ZFHX3: variants seen among roughly 807,000 people sequenced by gnomAD.
The protein encoded by ZFHX3 is zinc finger homeobox 3.
In ZFHX3, 42 loss-of-function variants were observed where a neutral mutation model predicts 279.1. That is an observed-to-expected ratio of 0.15 (90% CI 0.12 to 0.19). ZFHX3 has a LOEUF of 0.19. Among genes scored for constraint, ZFHX3 ranks in the 10% least tolerant of loss-of-function variants. ZFHX3 has a pLI of 1.00. For synonymous variants in ZFHX3, 2,293 were observed against 1,957.8 expected (o/e 1.17, Z -4.52); for missense variants, 4,981 against 4,754.0 (o/e 1.05, Z -1.40).
At chr16:72,876,008 C>G (rs779907167) in intron 4 of ZFHX3, among the ~76,000 whole-genome samples, 1 of 152,176 alleles carries the variant, frequency 6.6e-6, no homozygotes, top group Admixed American at 6.5e-5. Flanking sequence ...AAAGGGAAAA[C>G]GAGCCTAAAA....
At chr16:73,595,720 C>T (rs1401032589) in intron 2 of ZFHX3, among the ~76,000 whole-genome samples, 1 of 152,126 alleles carries the variant, frequency 6.6e-6, no homozygotes, top group Non-Finnish European at 1.5e-5. Context: ...CTCCCAAGAG[C>T]CACAAAGTCA....
chr16:73,032,070 G>A (rs769762501), intron 1 of ZFHX3, among the ~76,000 whole-genome samples: 3 of 152,224 alleles, frequency 2.0e-5, no homozygotes, highest in Non-Finnish European at 2.9e-5. Context: ...GCTGGGCGCA[G>A]TGGCTCACGC....
chr16:73,215,602 G>A (rs1369982524), intron 5 of ZFHX3, among the ~76,000 whole-genome samples: 2 of 152,136 alleles, frequency 1.3e-5, no homozygotes, highest in African/African-American at 4.8e-5. Flanking sequence ...TCAATGGATT[G>A]TTTCCTTCTG....
chr16:73,127,546 T>C, intron 7 of ZFHX3: 2 of 1,305,502 alleles, frequency 1.5e-6, no homozygotes, highest in South Asian at 2.5e-5. Flanking sequence ...TGGGAGGCTT[T>C]GGGCTCAGCC....
At chr16:73,160,747 C>T (rs991261022) in intron 5 of ZFHX3, among the ~76,000 whole-genome samples, 2 of 150,318 alleles carry the variant, frequency 1.3e-5, no homozygotes, top group Middle Eastern at 3.3e-3. Context: ...GCATGCTTAT[C>T]ATGCTTATTC....
At chr16:73,537,888 G>C (rs926365082) in intron 2 of ZFHX3, among the ~76,000 whole-genome samples, 1 of 152,206 alleles carries the variant, frequency 6.6e-6, no homozygotes, top group Non-Finnish European at 1.5e-5. Flanking sequence ...CCACAAAGTA[G>C]TATCTTGGAA....
intron 4 of ZFHX3, among the ~76,000 whole-genome samples, chr16:73,302,767 T>C (rs1446089943): frequency 6.6e-6 from 1 of 152,170 alleles, no homozygotes; most frequent in Non-Finnish European, 1.5e-5. Flanking sequence ...ATCTGAGCAG[T>C]GGCATTCAGA....
At chr16:72,986,303 T>C (rs1438614538) in intron 1 of ZFHX3, among the ~76,000 whole-genome samples, 1 of 152,114 alleles carries the variant, frequency 6.6e-6, no homozygotes, top group African/African-American at 2.4e-5. Context: ...GTGATAATTA[T>C]GGGGTTTTAT....
At chr16:73,531,714 CA>C (rs34119200) in intron 2 of ZFHX3, among the ~76,000 whole-genome samples, 36,222 of 81,684 alleles carry the variant, frequency 0.44, 5,344 homozygotes, top group East Asian at 0.55. Flanking sequence ...AACCCTGTCT[CA>C]AAAAAAAAAA....
At chr16:73,742,735 G>C (rs191097231) in intron 1 of ZFHX3, among the ~76,000 whole-genome samples, 144 of 152,270 alleles carry the variant, frequency 9.5e-4, no homozygotes, top group East Asian at 8.3e-3. Context: ...GAAGAATCAG[G>C]GTTCCCCTTT....
At chr16:73,426,149 T>C (rs1478093888) in intron 3 of ZFHX3, among the ~76,000 whole-genome samples, 1 of 152,196 alleles carries the variant, frequency 6.6e-6, no homozygotes. Flanking sequence ...CTGGTTGTGA[T>C]GGCCAGAGCT....
At chr16:73,688,203 G>A (rs1052157785) in intron 1 of ZFHX3, among the ~76,000 whole-genome samples, 7 of 151,166 alleles carry the variant, frequency 4.6e-5, no homozygotes, top group South Asian at 2.1e-4. Context: ...CTAAAAATAC[G>A]AAAATTAACC....
At chr16:72,997,110 C>A (rs1415299460) in intron 1 of ZFHX3, among the ~76,000 whole-genome samples, 1 of 152,184 alleles carries the variant, frequency 6.6e-6, no homozygotes, top group African/African-American at 2.4e-5. Context: ...AAACAGAAAT[C>A]TAACTTTTCT....
chr16:72,960,336 G>A (rs1961515204), intron 1 of ZFHX3, 142 bp from the exon 2 acceptor site: 1 of 621,652 alleles, frequency 1.6e-6, no homozygotes, highest in Non-Finnish European at 2.5e-6. Context: ...ACACAGGGCG[G>A]AGGGCGGGCC....
At chr16:73,797,955 C>T (rs1373895752) in intron 1 of ZFHX3, among the ~76,000 whole-genome samples, 3 of 151,732 alleles carry the variant, frequency 2.0e-5, no homozygotes, top group East Asian at 1.9e-4. Flanking sequence ...TACAGGCGCT[C>T]GCCACTATAT....
At chr16:72,898,364 G>A (rs2038949633) in intron 3 of ZFHX3, among the ~76,000 whole-genome samples, 1 of 152,178 alleles carries the variant, frequency 6.6e-6, no homozygotes, top group Non-Finnish European at 1.5e-5. Context: ...TTAGGCCGTG[G>A]AACAAGCCAT....
intron 1 of ZFHX3, among the ~76,000 whole-genome samples, chr16:73,735,556 C>G (rs172918): frequency 2.0e-5 from 3 of 152,136 alleles, no homozygotes; most frequent in African/African-American, 7.2e-5. Context: ...CTCTCTCACT[C>G]TCAGAAATAA....
At chr16:73,562,196 C>A (rs2020379187) in intron 2 of ZFHX3, among the ~76,000 whole-genome samples, 1 of 152,106 alleles carries the variant, frequency 6.6e-6, no homozygotes, top group Non-Finnish European at 1.5e-5. Flanking sequence ...TAGCACCTAC[C>A]CTAGGAATTT....
rs115095360 is a variant in ZFHX3, at chr16:72,939,245, C to A, written c.3216+11224G>T. 5.2e-3 allele frequency among the ~76,000 whole-genome samples: 794 copies of A among 152,256 alleles called. 9 individuals carry two copies. Among genetic ancestry groups the A allele is most frequent in the African/African-American group, 0.018 (749 of 41,550 alleles). ...GTGGGGTTACCTTTGATCTCCCCCA[C>A]CCCCATCTCGAGGCACAGAGTACCC... On this transcript the variant is annotated intron_variant, in intron 3 of 9. Coordinates refer to ENST00000268489, the MANE Select transcript of ZFHX3 (RefSeq NM_006885.4).
Sources: gnomAD v4.1 joint callset for allele counts (sites outside exome capture counted in the v4.1 genomes callset) on GRCh38, gnomAD v4.1.1 for gene constraint, MANE v1.5 for transcripts, NCBI Gene and HGNC (gene_info 2026-07-23, HGNC 2026-07-21) for gene names.